Variants in PFKM observed in about 807,000 individuals in gnomAD.
PFKM encodes the protein phosphofructokinase, muscle, also known as ATP-dependent 6-phosphofructokinase, muscle type.
Under a neutral mutation model 95.5 loss-of-function variants are expected in PFKM, and 58 were observed. The observed-to-expected ratio is 0.61, with a 90% CI of 0.49 to 0.76. The LOEUF (loss-of-function observed/expected upper bound fraction) is 0.76. Among genes scored for constraint, PFKM ranks in the 30% least tolerant of loss-of-function variants. The pLI is 0.00. For synonymous variants in PFKM, 336 were observed against 357.2 expected (o/e 0.94, Z 0.67); for missense variants, 678 against 1,005.4 (o/e 0.67, Z 4.40).
At chr12:48,110,097 A>G (rs1266664287) in intron 3 of PFKM, among the ~76,000 whole-genome samples, 1 of 152,150 alleles carries the variant, frequency 6.6e-6, no homozygotes, top group Non-Finnish European at 1.5e-5. Flanking sequence ...AGGATAAAAC[A>G]GGGGGTGTAA....
At chr12:48,124,643 CT>C (rs1948633551) in intron 2 of PFKM, among the ~76,000 whole-genome samples, 1 of 152,146 alleles carries the variant, frequency 6.6e-6, no homozygotes, top group African/African-American at 2.4e-5. Flanking sequence ...GAAAAAGACC[CT>C]GTTTTATGGA....
At position 48,139,295 on chromosome 12, in the gene PFKM, T is replaced by C; in HGVS notation, c.1073T>C (p.Val358Ala). 1 of 1,613,578 alleles carries C rather than the reference T, an allele frequency of 6.2e-7. No homozygotes were observed. Among genetic ancestry groups the C allele is most frequent in the South Asian group, 1.1e-5 (1 of 91,048 alleles). Residue 358 changes from valine to alanine, a missense_variant, in exon 12 of 23, where the codon GTG (valine) becomes GCG (alanine). Coordinates refer to ENST00000359794, the MANE Select transcript of PFKM (RefSeq NM_000289.6). ...GTGCTCCCCCCTCAGACCAAAGATG[T>C]GACCAAGGCCATGGATGAGAAGAAA... Reference protein sequence around the residue: ...LMECVQVTKDVTKAMDEKKFD... With the variant: ...LMECVQVTKDATKAMDEKKFD...
rs1187952880 is a variant in PFKM at position 48,119,400 on chromosome 12, C to T, written c.-15C>T. The T allele has an allele frequency of 2.4e-5, 24 of 985,902 alleles. No individual in the cohort carries two copies. The highest frequency in any genetic ancestry group is 2.5e-5 in the Non-Finnish European group (21 of 830,258). The allele number at this position is 985,902 out of a possible 1,614,324, so 61.1% of individuals were successfully genotyped here. A position where few individuals can be genotyped will look rare whatever the true frequency, so the allele number is the denominator to read the frequency against. On this transcript the variant is annotated 5_prime_UTR_variant, in exon 1 of 23. Coordinates refer to ENST00000359794, the MANE Select transcript of PFKM (RefSeq NM_000289.6). ...AAGCAGCGGCGGAGGAGAGCTAAGA[C>T]TAAAAGGCAAGAGGGGCCATTGAGT... is the stretch of plus-strand genomic sequence containing the variant.
intron 17 of PFKM, among the ~76,000 whole-genome samples, chr12:48,142,564 A>G (rs1950672580): frequency 6.6e-6 from 1 of 151,806 alleles, no homozygotes; most frequent in African/African-American, 2.4e-5. Context: ...TCTGAGCAGT[A>G]GAAAGGATAG....
exon 1 of PFKM, chr12:48,106,047 A>C: frequency 1.4e-6 from 1 of 702,156 alleles, no homozygotes; most frequent in Non-Finnish European, 2.6e-6. Flanking sequence ...ACCGGCTGCC[A>C]TGCGAAGGGG....
intron 9 of PFKM, 124 bp from the exon 10 acceptor site, chr12:48,135,167 G>A (rs1026396072): frequency 2.7e-6 from 3 of 1,108,118 alleles, no homozygotes; most frequent in Non-Finnish European, 2.8e-6. Context: ...GCCCCTGATT[G>A]CCTCCCACAA....
Position 48,145,642 on chromosome 12 carries a change from G to C in PFKM, c.2277G>C (p.Leu759Phe). 6.2e-7 allele frequency: 1 copy of C among 1,614,088 alleles called. No individual in the cohort carries two copies. The highest frequency in any genetic ancestry group is 8.5e-7 in the Non-Finnish European group (1 of 1,179,990). Reference protein sequence around the residue: ...LKILAKYEIDLDTSDHAHLEH... With the variant: ...LKILAKYEIDFDTSDHAHLEH... ...TCCTAGCCAAGTACGAGATTGACTTGGACACTTCAGACCATGCCCACCTGG... is the reference window on the plus strand; with the variant it reads ...TCCTAGCCAAGTACGAGATTGACTTCGACACTTCAGACCATGCCCACCTGG... The change falls in exon 23 of 23, where the codon TTG (leucine) becomes TTC (phenylalanine). Residue 759 changes from leucine to phenylalanine, a missense_variant. Leu to Phe is a conservative substitution (Grantham distance 22, BLOSUM62 0). Coordinates refer to ENST00000359794, the MANE Select transcript of PFKM (RefSeq NM_000289.6). This position sits in a 1 kb window ranked among gnomAD's most constrained non-coding sequence, Gnocchi z 4.3.
intron 1 of PFKM, among the ~76,000 whole-genome samples, chr12:48,120,746 C>G (rs1468960704): frequency 6.6e-6 from 1 of 152,206 alleles, no homozygotes; most frequent in Non-Finnish European, 1.5e-5. Context: ...CCTTTCACAG[C>G]TTACTGCCAT....
intron 13 of PFKM, 38 bp downstream of exon 13, chr12:48,139,950 C>G: frequency 7.4e-7 from 1 of 1,343,332 alleles, no homozygotes; most frequent in South Asian, 1.2e-5. Flanking sequence ...CCTTTTCCTT[C>G]TCCCTCCCCC....
Position 48,120,557 on chromosome 12 carries a change from G to T in PFKM, c.-9+1151G>T, listed in dbSNP as rs544388284. Among the ~76,000 whole-genome samples, 21 of 152,306 alleles carry T rather than the reference G, an allele frequency of 1.4e-4. No individual in the cohort carries two copies. In the South Asian group the frequency reaches 2.5e-3, roughly 18 times the overall value. On this transcript the variant is annotated intron_variant, in intron 1 of 22. Coordinates refer to ENST00000359794, the MANE Select transcript of PFKM (RefSeq NM_000289.6). ...AACTTCGTCTGTAAAAGACCAGATAGTAAATATTTTAAACTGCAGGCTTAT... is the reference window on the plus strand; with the variant it reads ...AACTTCGTCTGTAAAAGACCAGATATTAAATATTTTAAACTGCAGGCTTAT...
In PFKM at chr12:48,134,989, G is replaced by A; in HGVS notation, c.794G>A (p.Gly265Asp). Residue 265 changes from glycine (G) to aspartate (D), a missense_variant, in exon 9 of 23, where the codon GGT becomes GAT. Coordinates refer to ENST00000359794, the MANE Select transcript of PFKM (RefSeq NM_000289.6). ...SRLNIIIVAE[G>D]AIDKNGKPIT... ...CTCAACATCATCATTGTGGCTGAGG[G>A]TGCAATTGACAAGAATGGAAAACCA... 1 of 1,614,048 alleles carries A rather than the reference G, an allele frequency of 6.2e-7. No individual in the cohort carries two copies. The highest frequency in any genetic ancestry group is 8.5e-7 in the Non-Finnish European group (1 of 1,179,998).
chr12:48,110,710 T>G (rs1565838310), intron 3 of PFKM, among the ~76,000 whole-genome samples: 2 of 152,216 alleles, frequency 1.3e-5, no homozygotes, highest in African/African-American at 4.8e-5. Flanking sequence ...GCTCTAGTCC[T>G]TAAGAAAAAT....
chr12:48,133,811 T>C (rs1474855645), intron 6 of PFKM, among the ~76,000 whole-genome samples: 2 of 152,106 alleles, frequency 1.3e-5, no homozygotes, highest in African/African-American at 4.8e-5. Flanking sequence ...AACCATATCA[T>C]AGAAAGTATA....
At position 48,119,882 on chromosome 12, in the gene PFKM, A is replaced by G. The variant is rs544211125; in HGVS notation, c.-9+476A>G. 7 of 152,336 alleles carry G rather than the reference A, an allele frequency of 4.6e-5. No homozygotes were observed. The South Asian group carries it at 6.2e-4, about 14-fold the overall frequency. The allele number at this position is 152,336 out of a possible 1,614,324, so 9.4% of individuals were successfully genotyped here. A position where few individuals can be genotyped will look rare whatever the true frequency, so the allele number is the denominator to read the frequency against. The stretch of plus-strand genomic sequence containing the variant: ...ATGAATTTCTGTGTCCTGTGCCTCT[A>G]TAACTGTCTTAGAGATTTCAGGAGA... On this transcript the variant is annotated intron_variant, in intron 1 of 22. Coordinates refer to ENST00000359794, the MANE Select transcript of PFKM (RefSeq NM_000289.6).
chr12:48,130,271 C>T (rs760734769), intron 2 of PFKM, 92 bp from the exon 3 acceptor site: 22 of 840,946 alleles, frequency 2.6e-5, no homozygotes, highest in Middle Eastern at 2.2e-4. Context: ...AGTACTGATT[C>T]GTTATCTTTA....
chr12:48,110,839 G>T (rs559806058), intron 3 of PFKM, among the ~76,000 whole-genome samples: 1 of 152,318 alleles, frequency 6.6e-6, no homozygotes, highest in Non-Finnish European at 1.5e-5. Context: ...CTGTGTGTGT[G>T]TGTGGCCCAT....
chr12:48,114,505 C>T (rs1184127412), upstream of PFKM, among the ~76,000 whole-genome samples: 1 of 152,036 alleles, frequency 6.6e-6, no homozygotes, highest in Non-Finnish European at 1.5e-5. Flanking sequence ...GGAGCAAAGG[C>T]TGAAGAAGAG....
intron 14 of PFKM, 34 bp downstream of exon 14, chr12:48,140,905 A>ATGGGGAAGATAAGTGTAGCAAGAATGACC: frequency 6.2e-7 from 1 of 1,611,998 alleles, no homozygotes; most frequent in South Asian, 1.1e-5. Context: ...AGGAGCAGTC[A>ATGGGGAAGATAAGTGTAGCAAGAATGACC]TGGGGAAGAT....
exon 1 of PFKM, chr12:48,106,085 C>CCGGGAACCGCCGCGAA: frequency 1.4e-6 from 1 of 702,620 alleles, no homozygotes; most frequent in South Asian, 1.5e-5. Context: ...AACGCAAAAC[C>CCGGGAACCGCCGCGAA]CGGGAACCGC....
Sources: allele counts gnomAD v4.1 joint callset (sites outside exome capture counted in the v4.1 genomes callset), GRCh38; gene constraint gnomAD v4.1.1; non-coding constraint Gnocchi (gnomAD v3.1); transcripts MANE v1.5; gene names NCBI Gene and HGNC (gene_info 2026-07-23, HGNC 2026-07-21).